The following PPIL2 variants were observed in gnomAD, a reference collection of about 807,000 sequenced individuals.
The protein encoded by PPIL2 is RING-type E3 ubiquitin-protein ligase PPIL2.
A neutral mutation model predicts 75.2 loss-of-function variants in PPIL2; 50 were observed. The ratio of observed to expected loss-of-function variants is 0.66; its 90% CI spans 0.53 to 0.84. PPIL2 has a LOEUF of 0.84. Among genes scored for constraint, PPIL2 ranks in the 40% least tolerant of loss-of-function variants. The pLI is 0.00. For synonymous variants in PPIL2, 245 were observed against 258.8 expected (o/e 0.95, Z 0.51); for missense variants, 590 against 685.0 (o/e 0.86, Z 1.55).
At chr22:21,694,223 C>T (rs374120346) in intron 16 of PPIL2, among the ~76,000 whole-genome samples, 1 of 152,188 alleles carries the variant, frequency 6.6e-6, no homozygotes, top group African/African-American at 2.4e-5. Flanking sequence ...TGGTCTCTGA[C>T]GCCCACCCAG....
At chr22:21,687,842 GGA>G in intron 13 of PPIL2, 110 bp downstream of exon 13, 1 of 1,183,796 alleles carries the variant, frequency 8.4e-7, no homozygotes, top group East Asian at 2.4e-5. Context: ...ACGGTGGCCA[GGA>G]TGAGTCCAGT....
chr22:21,679,578 G>A (rs2067016836), intron 6 of PPIL2, among the ~76,000 whole-genome samples: 2 of 151,724 alleles, frequency 1.3e-5, no homozygotes. Context: ...TCCAGCCTGG[G>A]TGATAGAGCT....
In PPIL2 at chr22:21,687,681, G is replaced by A. The variant is rs779984597; in HGVS notation, c.936G>A (p.Lys312=). 3 of 1,597,040 alleles carry A rather than the reference G, an allele frequency of 1.9e-6. No individual in the cohort carries two copies. In the South Asian group the frequency reaches 3.3e-5, roughly 18 times the overall value. Residue 312 remains lysine, a synonymous_variant, in exon 13 of 20, where the codon AAG becomes AAA. Transcript: ENST00000398831. The stretch of plus-strand genomic sequence containing the variant: ...GCGAAAACTTCATCAGGCTTTGCAA[G>A]AAGCATTATTACGATGGCACCATCT... The part of the protein sequence containing the change: ...KTCENFIRLC[K]KHYYDGTIFH...
chr22:21,687,682 A>C lies in PPIL2; in HGVS notation c.937A>C (p.Lys313Gln), dbSNP rs1699517039. ...CGAAAACTTCATCAGGCTTTGCAAGAAGCATTATTACGATGGCACCATCTT... is the reference window on the plus strand; with the variant it reads ...CGAAAACTTCATCAGGCTTTGCAAGCAGCATTATTACGATGGCACCATCTT... Reference protein sequence around the residue: ...TCENFIRLCKKHYYDGTIFHR... With the variant: ...TCENFIRLCKQHYYDGTIFHR... The change falls in exon 13 of 20, where the codon AAG becomes CAG. Residue 313 changes from lysine (K) to glutamine (Q), a missense_variant. By Grantham distance (53) the Lys-to-Gln change is moderately conservative (BLOSUM62 1). Transcript: ENST00000398831. The C allele has an allele frequency of 3.1e-6, 5 of 1,613,942 alleles. No individual in the cohort carries two copies. The highest frequency in any genetic ancestry group is 1.3e-5 in the African/African-American group (1 of 74,924).
At chr22:21,676,136 C>T (rs557776642) in intron 6 of PPIL2, among the ~76,000 whole-genome samples, 3 of 152,276 alleles carry the variant, frequency 2.0e-5, no homozygotes, top group East Asian at 1.9e-4. Context: ...GTGCAGCATT[C>T]GCAGGTGAAT....
At chr22:21,675,315 T>C (rs183412775) in intron 6 of PPIL2, among the ~76,000 whole-genome samples, 200 bp downstream of exon 6, 39 of 152,286 alleles carry the variant, frequency 2.6e-4, no homozygotes, top group Non-Finnish European at 3.2e-4. Context: ...AGGCGGATGG[T>C]TCACGAGGTC....
In PPIL2 at chr22:21,676,243, AGTGTGT is replaced by A. The variant is rs36131221; in HGVS notation, c.295+1159_295+1164del. 3.6e-3 allele frequency among the ~76,000 whole-genome samples: 468 copies of A among 130,574 alleles called. 3 individuals are homozygous for A. Among genetic ancestry groups the A allele is most frequent in the East Asian group, 0.015 (71 of 4,632 alleles). 85.7% of individuals were successfully genotyped at this position (130,574 alleles called of 152,430 possible). A position where few individuals can be genotyped will look rare whatever the true frequency, so the allele number is the denominator to read the frequency against. On this transcript the variant is annotated intron_variant, in intron 6 of 19. Coordinates refer to ENST00000398831, the MANE Select transcript of PPIL2 (RefSeq NM_014337.4). ...GGCTGCCTCCCCTCCTGTGATCAGCAGTGTGTGTGTGTGTGTGTGTGTGTGTGTGTG... is the reference window on the plus strand; with the variant it reads ...GGCTGCCTCCCCTCCTGTGATCAGCAGTGTGTGTGTGTGTGTGTGTGTGTG...
Position 21,671,574 on chromosome 22 carries a change from T to G in PPIL2, c.191+515T>G, listed in dbSNP as rs1473010097. 3.6e-5 allele frequency among the ~76,000 whole-genome samples: 5 copies of G among 140,750 alleles called. No homozygotes were observed. The East Asian group carries it at 1.1e-3, about 31-fold the overall frequency. 92.3% of individuals were successfully genotyped at this position (140,750 alleles called of 152,430 possible). A position where few individuals can be genotyped will look rare whatever the true frequency, so the allele number is the denominator to read the frequency against. ...TGAAAGTATAGTTTTTCTTTGTTCT[T>G]TTCTTTTTTTTTTATTTGAGACAGG... On this transcript the variant is annotated intron_variant, in intron 4 of 19. Coordinates refer to ENST00000398831, the MANE Select transcript of PPIL2 (RefSeq NM_014337.4).
At chr22:21,692,337 G>A (rs1009485099) in intron 15 of PPIL2, among the ~76,000 whole-genome samples, 4 of 151,566 alleles carry the variant, frequency 2.6e-5, no homozygotes, top group Non-Finnish European at 5.9e-5. Flanking sequence ...TGTATTTTTA[G>A]TAGAGATGGG....
At chr22:21,680,829 C>CAA (rs762340467) in intron 6 of PPIL2, among the ~76,000 whole-genome samples, 13,151 of 50,740 alleles carry the variant, frequency 0.26, 2,587 homozygotes, top group Non-Finnish European at 0.33. Flanking sequence ...GACTCCATCT[C>CAA]AAAAAAAAAA....
Position 21,675,178 on chromosome 22 carries a change from C to G in PPIL2, c.295+63C>G, listed in dbSNP as rs2066787954. 4.2e-6 allele frequency: 6 copies of G among 1,420,992 alleles called. No homozygotes were observed. The East Asian group carries it at 1.4e-4, about 32-fold the overall frequency. The allele number at this position is 1,420,992 out of a possible 1,614,324, so 88.0% of individuals were successfully genotyped here. ...TGCAGACCCAAGGGCCCAGCTCTCACCAGTTTTCATACGGAATCAGTCATT... is the reference window on the plus strand; with the variant it reads ...TGCAGACCCAAGGGCCCAGCTCTCAGCAGTTTTCATACGGAATCAGTCATT... On this transcript the variant is annotated intron_variant, in intron 6 of 19. Transcript: ENST00000398831.
chr22:21,684,690 C>T lies in PPIL2; in HGVS notation c.554-63C>T, dbSNP rs1411791213. ...CTGGGCTATTCTAGATCTGTGTCCC[C>T]AGCACGTGTGTGGGGAGGCTACTGG... On this transcript the variant is annotated intron_variant, in intron 9 of 19. Transcript: ENST00000398831. The T allele has an allele frequency of 1.9e-6, 3 of 1,584,158 alleles. No homozygotes were observed. The East Asian group carries it at 6.8e-5, about 36-fold the overall frequency.
chr22:21,687,877 C>T, intron 13 of PPIL2, 145 bp downstream of exon 13: 2 of 1,062,804 alleles, frequency 1.9e-6, no homozygotes, highest in Non-Finnish European at 1.4e-6. Flanking sequence ...GTTGGGGAAC[C>T]CATAGACTGA....
At chr22:21,671,520 CT>C (rs1002916288) in intron 4 of PPIL2, among the ~76,000 whole-genome samples, 3 of 152,016 alleles carry the variant, frequency 2.0e-5, no homozygotes, top group African/African-American at 7.3e-5. Flanking sequence ...GTGATGAGAG[CT>C]TTTTTCCCCG....
In PPIL2 at chr22:21,696,970, G is replaced by C; in HGVS notation, c.*1480G>C. The C allele has an allele frequency of 6.4e-7, 1 of 1,562,928 alleles. No individual in the cohort carries two copies. Among genetic ancestry groups the C allele is most frequent in the East Asian group, 2.4e-5 (1 of 41,874 alleles). Reference sequence around the variant, plus strand: ...TGGCCCTTCATCATGCTAAGAACAAGAACTGCGCCATGGCTGGCTCCTTCT... The same window carrying C: ...TGGCCCTTCATCATGCTAAGAACAACAACTGCGCCATGGCTGGCTCCTTCT... On this transcript the variant is annotated 3_prime_UTR_variant, in exon 20 of 20. Transcript: ENST00000398831.
chr22:21,688,647 T>G, intron 14 of PPIL2, 85 bp from the exon 15 acceptor site: 1 of 1,343,352 alleles, frequency 7.4e-7, no homozygotes, highest in South Asian at 1.2e-5. Context: ...AGCAAGGCCC[T>G]GATGCCCCTC....
chr22:21,679,153 C>T (rs553340467), intron 6 of PPIL2, among the ~76,000 whole-genome samples: 1 of 152,186 alleles, frequency 6.6e-6, no homozygotes, highest in Non-Finnish European at 1.5e-5. Context: ...GCCTCTGCCT[C>T]CGAAAGTGCT....
intron 8 of PPIL2, 73 bp from the exon 9 acceptor site, chr22:21,683,109 T>C: frequency 7.7e-7 from 1 of 1,304,704 alleles, no homozygotes; most frequent in Non-Finnish European, 1.1e-6. Flanking sequence ...CAGCTGGCCG[T>C]CCTTTGCTGC....
Position 21,697,056 on chromosome 22 carries a change from T to G in PPIL2, c.*1566T>G. ...TGTCTGTGACCATTGGTCGGGCCCC[T>G]GGGCTCTAGAGTGACTTTTGACGCC... On this transcript the variant is annotated 3_prime_UTR_variant, in exon 20 of 20. Transcript: ENST00000398831. 6.8e-7 allele frequency: 1 copy of G among 1,475,476 alleles called. No homozygotes were observed. Among genetic ancestry groups the G allele is most frequent in the Non-Finnish European group, 9.1e-7 (1 of 1,093,276 alleles). 91.4% of individuals were successfully genotyped at this position (1,475,476 alleles called of 1,614,324 possible). A position where few individuals can be genotyped will look rare whatever the true frequency, so the allele number is the denominator to read the frequency against.
Sources: allele counts gnomAD v4.1 joint callset (sites outside exome capture counted in the v4.1 genomes callset), GRCh38; gene constraint gnomAD v4.1.1; transcripts MANE v1.5; gene names NCBI Gene and HGNC (gene_info 2026-07-23, HGNC 2026-07-21).